TCERG1: variants seen among roughly 807,000 people sequenced by gnomAD.
TCERG1 encodes TATA box binding protein (TBP)-associated factor, RNA polymerase II, S, 150kD.
A neutral mutation model predicts 144.7 loss-of-function variants in TCERG1; 37 were observed. The observed-to-expected ratio is 0.26, with a 90% CI of 0.20 to 0.34. The LOEUF (loss-of-function observed/expected upper bound fraction) is 0.34, where lower values mean the gene tolerates loss of function less well. Among genes scored for constraint, TCERG1 ranks in the 10% least tolerant of loss-of-function variants. The pLI, the probability that TCERG1 is intolerant of heterozygous loss-of-function variation, is 1.00. For synonymous variants in TCERG1, 492 were observed against 458.2 expected (o/e 1.07, Z -0.94); for missense variants, 1,027 against 1,380.7 (o/e 0.74, Z 4.06).
chr5:146,454,630 C>G (rs1762667268), intron 1 of TCERG1, among the ~76,000 whole-genome samples: 3 of 151,750 alleles, frequency 2.0e-5, no homozygotes. Flanking sequence ...TGGAGCCTTG[C>G]TCTGTTGCCC....
At position 146,511,872 on chromosome 5, in the gene TCERG1, T is replaced by C. The variant is rs1449992163; in HGVS notation, c.*1230T>C. On this transcript the variant is annotated 3_prime_UTR_variant, in exon 23 of 23. Coordinates refer to ENST00000679501, the MANE Select transcript of TCERG1 (RefSeq NM_001382548.1). ...AGTTCCTAATTGATATATCTAGCTT[T>C]ACCTCCCGAGTTAAAAAAAAATCTT... is the stretch of plus-strand genomic sequence containing the variant. 1.8e-4 allele frequency: 19 copies of C among 103,988 alleles called. No individual in the cohort carries two copies. Among genetic ancestry groups the C allele is most frequent in the Non-Finnish European group, 2.3e-4 (12 of 51,996 alleles). 6.4% of individuals were successfully genotyped at this position (103,988 alleles called of 1,614,324 possible).
chr5:146,486,296 C>T (rs974381141), intron 15 of TCERG1, among the ~76,000 whole-genome samples: 5 of 152,062 alleles, frequency 3.3e-5, no homozygotes, highest in Non-Finnish European at 7.4e-5. Context: ...TTTGTAGATT[C>T]GTGTACATTC....
At chr5:146,458,784 T>C in intron 3 of TCERG1, 100 bp from the exon 4 acceptor site, 1 of 1,487,238 alleles carries the variant, frequency 6.7e-7, no homozygotes, top group South Asian at 1.4e-5. Context: ...TGGCCCTACG[T>C]TATTTTTAAA....
chr5:146,474,288 GC>G (rs1458076758), intron 9 of TCERG1, among the ~76,000 whole-genome samples: 1 of 152,160 alleles, frequency 6.6e-6, no homozygotes, highest in Non-Finnish European at 1.5e-5. Flanking sequence ...GATGGAAATA[GC>G]AAGAGAACTA....
At chr5:146,464,624 A>G (rs1196602951) in intron 5 of TCERG1, among the ~76,000 whole-genome samples, 1 of 152,190 alleles carries the variant, frequency 6.6e-6, no homozygotes, top group Non-Finnish European at 1.5e-5. Flanking sequence ...TGTCAAACAC[A>G]TTTAATCCTT....
At position 146,478,553 on chromosome 5, in the gene TCERG1, T is replaced by A; in HGVS notation, c.1662T>A (p.Ser554=). The change falls in exon 10 of 23, where the codon TCT becomes TCA. Residue 554 remains serine (S), a synonymous_variant. Transcript: ENST00000679501. ...VFFYNPTTRL[S]MWDRPDDLIG... is the part of the protein sequence containing the mutation. ...TTTATAATCCCACCACTCGTCTTTCTATGTGGGACCGACCTGATGATCTGA... is the reference window on the plus strand; with the variant it reads ...TTTATAATCCCACCACTCGTCTTTCAATGTGGGACCGACCTGATGATCTGA... 6.2e-7 allele frequency: 1 copy of A among 1,612,184 alleles called. No homozygotes were observed. Among genetic ancestry groups the A allele is most frequent in the South Asian group, 1.1e-5 (1 of 90,596 alleles).
chr5:146,473,635 C>T (rs1764554575), intron 9 of TCERG1, among the ~76,000 whole-genome samples: 1 of 152,142 alleles, frequency 6.6e-6, no homozygotes, highest in Admixed American at 6.5e-5. Flanking sequence ...TAAGTTGAAG[C>T]CACTGCTCAT....
In TCERG1 at chr5:146,468,324, G is replaced by T; in HGVS notation, c.1136-17G>T. The T allele has an allele frequency of 6.3e-7, 1 of 1,582,344 alleles. No individual in the cohort carries two copies. Among genetic ancestry groups the T allele is most frequent in the South Asian group, 1.2e-5 (1 of 86,268 alleles). ...AATGGCAGCTTTCCAACGTATGCTTGCTTATCCATTTTACAGGTGTAGCAA... is the reference window on the plus strand; with the variant it reads ...AATGGCAGCTTTCCAACGTATGCTTTCTTATCCATTTTACAGGTGTAGCAA... On this transcript the variant is annotated splice_polypyrimidine_tract_variant and intron_variant, in intron 5 of 22. Transcript: ENST00000679501.
intron 14 of TCERG1, among the ~76,000 whole-genome samples, 154 bp downstream of exon 14, chr5:146,482,881 T>C (rs1765486994): frequency 3.3e-5 from 5 of 152,206 alleles, no homozygotes; most frequent in Admixed American, 2.0e-4. Flanking sequence ...ACAGCCTTTT[T>C]CTTGGCTAAT....
chr5:146,491,583 A>C, intron 15 of TCERG1, among the ~76,000 whole-genome samples: 1 of 152,112 alleles, frequency 6.6e-6, no homozygotes, highest in Non-Finnish European at 1.5e-5. Context: ...ATCTGGCTGG[A>C]GGGCACAGAT....
At position 146,480,178 on chromosome 5, in the gene TCERG1, G is replaced by A. The variant is rs1026716362; in HGVS notation, c.1886+84G>A. 7.6e-6 allele frequency: 8 copies of A among 1,053,864 alleles called. No homozygotes were observed. In the Admixed American group the frequency reaches 1.7e-4, roughly 22 times the overall value. The allele number at this position is 1,053,864 out of a possible 1,614,324, so 65.3% of individuals were successfully genotyped here. Reference sequence around the variant, plus strand: ...AATAATTTGTGATTGGAAGGGACAGGTAATGTGAATGTTGTTAGGAGGCAT... The same window carrying A: ...AATAATTTGTGATTGGAAGGGACAGATAATGTGAATGTTGTTAGGAGGCAT... On this transcript the variant is annotated intron_variant, in intron 12 of 22. Transcript: ENST00000679501.
At chr5:146,448,127 G>C (rs958831436) in intron 1 of TCERG1, among the ~76,000 whole-genome samples, 1 of 136,948 alleles carries the variant, frequency 7.3e-6, no homozygotes, top group Non-Finnish European at 1.7e-5. Context: ...CAGACCAGAG[G>C]GGTCTTCAGT....
In TCERG1 at chr5:146,479,908, G is replaced by A; in HGVS notation, c.1816G>A (p.Ala606Thr). 6.2e-7 allele frequency: 1 copy of A among 1,613,210 alleles called. No homozygotes were observed. Residue 606 changes from alanine (A) to threonine (T), a missense_variant, in exon 11 of 23, where the codon GCA (alanine) becomes ACA (threonine). By Grantham distance (58) the Ala-to-Thr change is moderately conservative. Coordinates refer to ENST00000679501, the MANE Select transcript of TCERG1 (RefSeq NM_001382548.1). Reference protein sequence around the residue: ...SIQKWQFSMSAIKEEQELMEE... With the variant: ...SIQKWQFSMSTIKEEQELMEE... ...CCAAAAGTGGCAATTCTCTATGAGT[G>A]CAAGTGAGTGAACTAACCATAAATT...
In TCERG1 at chr5:146,507,250, T is replaced by C; in HGVS notation, c.2961+43T>C. 1.3e-6 allele frequency: 2 copies of C among 1,500,306 alleles called. No individual in the cohort carries two copies. Among genetic ancestry groups the C allele is most frequent in the Non-Finnish European group, 1.8e-6 (2 of 1,123,690 alleles). The allele number at this position is 1,500,306 out of a possible 1,614,324, so 92.9% of individuals were successfully genotyped here. A position where few individuals can be genotyped will look rare whatever the true frequency, so the allele number is the denominator to read the frequency against. ...TTCTCATTTTAATCTGGATGAATCT[T>C]GTTAGTAATTTCTTAAAGCAAAGCA... On this transcript the variant is annotated intron_variant, in intron 20 of 22. Transcript: ENST00000679501. This position sits in a 1 kb window ranked among gnomAD's most constrained non-coding sequence, Gnocchi z 4.6.
chr5:146,479,789 T>A, intron 10 of TCERG1, 66 bp from the exon 11 acceptor site: 3 of 1,547,078 alleles, frequency 1.9e-6, no homozygotes, highest in Non-Finnish European at 2.7e-6. Context: ...CAGTAATTTT[T>A]AAAAAGAAAA....
At chr5:146,494,455 C>T (rs552300698) in intron 16 of TCERG1, among the ~76,000 whole-genome samples, 5 of 152,074 alleles carry the variant, frequency 3.3e-5, no homozygotes, top group East Asian at 1.9e-4. Flanking sequence ...CTTACCATAT[C>T]GTAGTACTCT....
At chr5:146,470,895 A>AT in intron 8 of TCERG1, 147 bp downstream of exon 8, 2 of 519,128 alleles carry the variant, frequency 3.9e-6, no homozygotes, top group Non-Finnish European at 3.2e-6. Flanking sequence ...TTCTTAATTC[A>AT]GTTTTTTCTT....
chr5:146,465,607 A>C (rs893826526), intron 5 of TCERG1, among the ~76,000 whole-genome samples: 7 of 152,230 alleles, frequency 4.6e-5, no homozygotes, highest in Non-Finnish European at 1.0e-4. Context: ...CAAATGAAGC[A>C]GTACCTGTGA....
intron 14 of TCERG1, 147 bp downstream of exon 14, chr5:146,482,874 G>C: frequency 1.7e-6 from 2 of 1,143,796 alleles, no homozygotes; most frequent in Non-Finnish European, 2.3e-6. Context: ...TTTTGCAACA[G>C]CCTTTTTCTT....
Sources: allele counts gnomAD v4.1 joint callset (sites outside exome capture counted in the v4.1 genomes callset), GRCh38; gene constraint gnomAD v4.1.1; non-coding constraint Gnocchi (gnomAD v3.1); transcripts MANE v1.5; gene names NCBI Gene and HGNC (gene_info 2026-07-23, HGNC 2026-07-21).